Variants in MCUB observed in about 807,000 individuals in gnomAD.
MCUB encodes mitochondrial calcium uniporter dominant negative subunit beta, also known as calcium uniporter regulatory subunit MCUb, mitochondrial.
MCUB carries 46 observed loss-of-function variants against 41.4 expected under a neutral mutation model. That is an observed-to-expected ratio of 1.11 (90% CI 0.88 to 1.42). The LOEUF (loss-of-function observed/expected upper bound fraction) is 1.42, where lower values mean the gene tolerates loss of function less well. Among genes scored for constraint, MCUB ranks in the 40% most tolerant of loss-of-function variants. The pLI, the probability that MCUB is intolerant of heterozygous loss-of-function variation, is 0.00. For missense variants in MCUB, 403 were observed against 404.9 expected (o/e 1.00, Z 0.04); for synonymous variants, 148 against 148.2 (o/e 1.00, Z 0.01).
chr4:109,612,288 C>A (rs6841003), intron 1 of MCUB, among the ~76,000 whole-genome samples: 69,305 of 132,436 alleles, frequency 0.52, 17,945 homozygotes, highest in South Asian at 0.68. Flanking sequence ...TTTTTGAGAG[C>A]GTCTCACTCA....
At chr4:109,681,353 C>A (rs1729712875) in intron 4 of MCUB, 2 of 352,824 alleles carry the variant, frequency 5.7e-6, no homozygotes, top group African/African-American at 4.3e-5. Context: ...TAAAGTTTGT[C>A]TGTAGATTCC....
intron 1 of MCUB, among the ~76,000 whole-genome samples, chr4:109,591,302 C>T (rs922589799): frequency 6.6e-6 from 1 of 151,972 alleles, no homozygotes; most frequent in Non-Finnish European, 1.5e-5. Flanking sequence ...TCTCATGACT[C>T]AGCCTCCCGA....
rs375740720 is a variant in MCUB, at chr4:109,567,768, A to G, written c.99+7332A>G. The stretch of plus-strand genomic sequence containing the variant: ...GGCTGTAGTGCAGTGGCACGATCTC[A>G]GCTCACTGCAACCTCCACCTCCCGG... On this transcript the variant is annotated intron_variant, in intron 1 of 7. Transcript: ENST00000394650. Among the ~76,000 whole-genome samples the G allele has an allele frequency of 1.9e-4, 29 of 152,098 alleles. No individual in the cohort carries two copies. In the South Asian group the frequency reaches 5.8e-3, roughly 31 times the overall value.
At chr4:109,587,666 T>G (rs1579052234) in intron 1 of MCUB, among the ~76,000 whole-genome samples, 1 of 152,206 alleles carries the variant, frequency 6.6e-6, no homozygotes, top group East Asian at 1.9e-4. Context: ...AATCAGAATA[T>G]TATCTTTAAA....
At chr4:109,594,694 T>G (rs1456122799) in intron 1 of MCUB, among the ~76,000 whole-genome samples, 1 of 149,934 alleles carries the variant, frequency 6.7e-6, no homozygotes, top group Non-Finnish European at 1.5e-5. Context: ...CCCTCAATAA[T>G]CCCTGGAGAG....
At chr4:109,578,990 G>A (rs1022148085) in intron 1 of MCUB, among the ~76,000 whole-genome samples, 1 of 152,098 alleles carries the variant, frequency 6.6e-6, no homozygotes, top group Admixed American at 6.6e-5. Flanking sequence ...ACCATATCCT[G>A]TTCATTGGAG....
intron 1 of MCUB, among the ~76,000 whole-genome samples, chr4:109,575,699 A>G (rs1423804925): frequency 1.3e-5 from 2 of 152,228 alleles, no homozygotes; most frequent in Non-Finnish European, 2.9e-5. Context: ...ACCTTAATGT[A>G]TCTTTCACAC....
chr4:109,682,480 A>G, intron 4 of MCUB, 102 bp from the exon 5 acceptor site: 1 of 918,464 alleles, frequency 1.1e-6, no homozygotes. Flanking sequence ...TACCCTGTGG[A>G]TCCTAAGATA....
chr4:109,606,040 T>C (rs1256235712), intron 1 of MCUB, among the ~76,000 whole-genome samples: 1 of 152,158 alleles, frequency 6.6e-6, no homozygotes, highest in Non-Finnish European at 1.5e-5. Context: ...AGTGGTGCGA[T>C]CTCTGCTCGC....
chr4:109,615,574 AT>A (rs918909238), intron 1 of MCUB, among the ~76,000 whole-genome samples: 5 of 151,418 alleles, frequency 3.3e-5, no homozygotes, highest in South Asian at 4.2e-4. Flanking sequence ...CGCCCGGCTA[AT>A]TTTTTTTGTA....
intron 1 of MCUB, among the ~76,000 whole-genome samples, chr4:109,578,640 C>G (rs919428507): frequency 9.2e-5 from 14 of 152,190 alleles, no homozygotes; most frequent in African/African-American, 3.4e-4. Context: ...GCTGGGACTA[C>G]AGGTGTGCAC....
At chr4:109,580,597 T>C (rs572095042) in intron 1 of MCUB, among the ~76,000 whole-genome samples, 1 of 152,316 alleles carries the variant, frequency 6.6e-6, no homozygotes, top group East Asian at 1.9e-4. Flanking sequence ...TGGCATCTCA[T>C]TGTGGTTTTG....
At chr4:109,648,468 T>G (rs925225914) in intron 1 of MCUB, 7 of 324,544 alleles carry the variant, frequency 2.2e-5, no homozygotes, top group African/African-American at 1.5e-4. Flanking sequence ...CGTATTCTGT[T>G]TCTGTTCTGT....
intron 1 of MCUB, among the ~76,000 whole-genome samples, chr4:109,616,493 C>T (rs1728130400): frequency 6.6e-6 from 1 of 152,150 alleles, no homozygotes; most frequent in Non-Finnish European, 1.5e-5. Flanking sequence ...GAAAACATAG[C>T]TCTAAATCTT....
chr4:109,563,233 C>A (rs17040524), intron 1 of MCUB, among the ~76,000 whole-genome samples: 2,190 of 152,086 alleles, frequency 0.014, 35 homozygotes, highest in African/African-American at 0.038. Flanking sequence ...ATTTCATGTC[C>A]CCAGTACAGC....
chr4:109,574,690 A>G (rs1271861332), intron 1 of MCUB, among the ~76,000 whole-genome samples: 1 of 152,202 alleles, frequency 6.6e-6, no homozygotes, highest in East Asian at 1.9e-4. Context: ...TAACCATCAT[A>G]TGAGGAATGA....
At chr4:109,612,934 G>T (rs564830519) in intron 1 of MCUB, among the ~76,000 whole-genome samples, 1 of 152,082 alleles carries the variant, frequency 6.6e-6, no homozygotes, top group East Asian at 1.9e-4. Context: ...GTGAAATCCC[G>T]TCTCTACTAA....
chr4:109,560,414 G>T lies in MCUB; in HGVS notation c.77G>T (p.Trp26Leu). 7.7e-7 allele frequency: 1 copy of T among 1,304,886 alleles called. No individual in the cohort carries two copies. Among genetic ancestry groups the T allele is most frequent in the South Asian group, 2.3e-5 (1 of 43,276 alleles). The allele number at this position is 1,304,886 out of a possible 1,614,324, so 80.8% of individuals were successfully genotyped here. The change falls in exon 1 of 8, where the codon TGG becomes TTG. Residue 26 changes from tryptophan to leucine, a missense_variant. Coordinates refer to ENST00000394650, the MANE Select transcript of MCUB (RefSeq NM_017918.5). The part of the protein sequence containing the change: ...TPGTWRPARP[W>L]PLPPPPQVLR... ...GGCACCTGGCGCCCAGCGCGCCCGTGGCCGCTGCCGCCTCCGCCCCAGGTA... is the reference window on the plus strand; with the variant it reads ...GGCACCTGGCGCCCAGCGCGCCCGTTGCCGCTGCCGCCTCCGCCCCAGGTA...
chr4:109,625,748 G>A (rs1728347349), intron 1 of MCUB, among the ~76,000 whole-genome samples: 1 of 152,140 alleles, frequency 6.6e-6, no homozygotes, highest in African/African-American at 2.4e-5. Context: ...GCATTATATA[G>A]CAAATATAAT....
Sources: gnomAD v4.1 joint callset for allele counts (sites outside exome capture counted in the v4.1 genomes callset) on GRCh38, gnomAD v4.1.1 for gene constraint, MANE v1.5 for transcripts, NCBI Gene and HGNC (gene_info 2026-07-23, HGNC 2026-07-21) for gene names.